Variants in TSPAN7 observed in about 807,000 individuals in gnomAD.
The protein encoded by TSPAN7 is tetraspanin-7.
TSPAN7 carries 1 observed loss-of-function variant against 17.6 expected under a neutral mutation model. The ratio of observed to expected loss-of-function variants is 0.06; its 90% confidence interval spans 0.02 to 0.27. The LOEUF is 0.27. TSPAN7 is among the 10% of genes least tolerant of loss of function. The probability of loss-of-function intolerance (pLI) is 1.00; values close to 1 mark genes in which losing one functional copy is unlikely to be tolerated. For missense variants in TSPAN7, 112 were observed against 201.7 expected (o/e 0.56, Z 2.69); for synonymous variants, 78 against 79.0 (o/e 0.99, Z 0.07).
Position 38,645,288 on chromosome X carries a change from C to A in TSPAN7, c.82-20833C>A, listed in dbSNP as rs56380298. ...TGAGCCCATTGCTTCCTGGATGGGT[C>A]TGTCCACCTTGACAGGGTCCCCACA... On this transcript the variant is annotated intron_variant, in intron 1 of 7. Coordinates refer to ENST00000378482, the MANE Select transcript of TSPAN7 (RefSeq NM_004615.4). Among the ~76,000 whole-genome samples the A allele has an allele frequency of 4.7e-3, 531 of 112,442 alleles. 4 individuals carry two copies. Among genetic ancestry groups the A allele is most frequent in the Admixed American group, 6.8e-3 (73 of 10,685 alleles).
intron 1 of TSPAN7, chrX:38,566,308 T>C (rs1464292325): frequency 1.1e-6 from 1 of 950,835 alleles, no homozygotes; most frequent in Admixed American, 3.1e-5. Context: ...CTGATTTGTA[T>C]GTTTTATTTT....
At chrX:38,682,325 C>A (rs977019811) in intron 6 of TSPAN7, among the ~76,000 whole-genome samples, 1 of 112,358 alleles carries the variant, frequency 8.9e-6, no homozygotes, top group African/African-American at 3.2e-5. Flanking sequence ...AATGCAGATG[C>A]ACTTTAATTT....
chrX:38,612,964 A>G (rs909905035), intron 1 of TSPAN7, among the ~76,000 whole-genome samples: 1 of 111,842 alleles, frequency 8.9e-6, no homozygotes, highest in Non-Finnish European at 1.9e-5. Context: ...TGGGCATTCT[A>G]TGACATACTA....
chrX:38,598,370 G>A (rs1025486500), intron 1 of TSPAN7, among the ~76,000 whole-genome samples: 9 of 111,009 alleles, frequency 8.1e-5, no homozygotes, highest in African/African-American at 2.0e-4. Flanking sequence ...TCTTACCACC[G>A]TGCTTGGAGA....
intron 1 of TSPAN7, among the ~76,000 whole-genome samples, chrX:38,612,981 A>G (rs909728343): frequency 1.8e-5 from 2 of 111,825 alleles, no homozygotes; most frequent in Non-Finnish European, 3.8e-5. Context: ...ACTATGTGCC[A>G]TTTCATTCTG....
chrX:38,686,475 C>A (rs2069927977), intron 6 of TSPAN7, among the ~76,000 whole-genome samples: 1 of 111,647 alleles, frequency 9.0e-6, no homozygotes, highest in Non-Finnish European at 1.9e-5. Flanking sequence ...GGCCCCACCC[C>A]CCAGCATATC....
At chrX:38,687,486 G>C in intron 6 of TSPAN7, 113 bp from the exon 7 acceptor site, 1 of 637,880 alleles carries the variant, frequency 1.6e-6, no homozygotes, top group Non-Finnish European at 2.4e-6. Flanking sequence ...CTAGTGATAC[G>C]CATATGTCAA....
At chrX:38,642,734 G>A (rs2069620399) in intron 1 of TSPAN7, among the ~76,000 whole-genome samples, 1 of 112,071 alleles carries the variant, frequency 8.9e-6, no homozygotes, top group Non-Finnish European at 1.9e-5. Flanking sequence ...CAGTGATGCT[G>A]CTTGGGTTCA....
chrX:38,642,095 C>T (rs767441566), intron 1 of TSPAN7, among the ~76,000 whole-genome samples: 58 of 111,783 alleles, frequency 5.2e-4, no homozygotes, highest in African/African-American at 1.5e-3. Context: ...CTGGGGTGTG[C>T]GTTTGTGTTG....
At position 38,648,356 on chromosome X, in the gene TSPAN7, G is replaced by A. The variant is rs148320457; in HGVS notation, c.82-17765G>A. ...ACTCCAATCAAAATAAAGATTATTTGCATCACTACATGTGTCCCCTCCTAT... is the reference window on the plus strand; with the variant it reads ...ACTCCAATCAAAATAAAGATTATTTACATCACTACATGTGTCCCCTCCTAT... On this transcript the variant is annotated intron_variant, in intron 1 of 7. Coordinates refer to ENST00000378482, the MANE Select transcript of TSPAN7 (RefSeq NM_004615.4). 3.1e-3 allele frequency among the ~76,000 whole-genome samples: 351 copies of A among 111,986 alleles called. 2 individuals are homozygous for A. Among genetic ancestry groups the A allele is most frequent in the African/African-American group, 9.8e-3 (304 of 30,869 alleles).
chrX:38,659,664 A>ATTTTT (rs536060824), intron 1 of TSPAN7, among the ~76,000 whole-genome samples: 1 of 99,315 alleles, frequency 1.0e-5, no homozygotes. Flanking sequence ...TTTAATTCTA[A>ATTTTT]TTTTTTTTTT....
chrX:38,684,032 C>T (rs2069910078), intron 6 of TSPAN7, among the ~76,000 whole-genome samples: 1 of 112,456 alleles, frequency 8.9e-6, no homozygotes, highest in Non-Finnish European at 1.9e-5. Flanking sequence ...CTCTTCCTCC[C>T]TCCCACTTTT....
chrX:38,568,029 G>A (rs1313267381), intron 1 of TSPAN7, among the ~76,000 whole-genome samples: 7 of 111,473 alleles, frequency 6.3e-5, no homozygotes, highest in Admixed American at 2.8e-4. Flanking sequence ...TTTTAGTTGC[G>A]TGCTCACTCC....
At chrX:38,617,830 G>A (rs759940738) in intron 1 of TSPAN7, among the ~76,000 whole-genome samples, 2 of 112,177 alleles carry the variant, frequency 1.8e-5, no homozygotes, top group Non-Finnish European at 3.8e-5. Context: ...GATCAGATGG[G>A]TGATAGTTTT....
intron 1 of TSPAN7, among the ~76,000 whole-genome samples, chrX:38,576,786 G>A (rs1274224159): frequency 8.9e-6 from 1 of 111,864 alleles, no homozygotes; most frequent in African/African-American, 3.3e-5. Context: ...TAAAAAGTGA[G>A]GCATGCAGCA....
At chrX:38,600,676 T>C (rs1257783970) in intron 1 of TSPAN7, among the ~76,000 whole-genome samples, 1 of 112,138 alleles carries the variant, frequency 8.9e-6, no homozygotes, top group African/African-American at 3.2e-5. Context: ...TCATTTCTCT[T>C]GCCTACATAG....
chrX:38,568,113 G>A (rs2069152897), intron 1 of TSPAN7, among the ~76,000 whole-genome samples: 1 of 111,655 alleles, frequency 9.0e-6, no homozygotes, highest in South Asian at 3.7e-4. Context: ...TGTCATATCA[G>A]ATTCTTGTTC....
chrX:38,649,943 C>T (rs1180936291), intron 1 of TSPAN7, among the ~76,000 whole-genome samples: 1 of 111,949 alleles, frequency 8.9e-6, no homozygotes, highest in Non-Finnish European at 1.9e-5. Flanking sequence ...CGGGAGGTCA[C>T]CTGACCTGAG....
intron 1 of TSPAN7, chrX:38,570,854 A>G (rs933890998): frequency 4.5e-5 from 5 of 111,181 alleles, no homozygotes; most frequent in Non-Finnish European, 1.9e-5. Flanking sequence ...TTACTGCAGA[A>G]CCCCACTATT....
Sources: gnomAD v4.1 joint callset for allele counts (sites outside exome capture counted in the v4.1 genomes callset) on GRCh38, gnomAD v4.1.1 for gene constraint, MANE v1.5 for transcripts, NCBI Gene and HGNC (gene_info 2026-07-23, HGNC 2026-07-21) for gene names.